MBOAT7: variants seen among roughly 807,000 people sequenced by gnomAD.
MBOAT7 encodes membrane bound acylglycerophosphatidylinositol O-acyltransferase MBOAT7, also known as membrane-bound acylglycerophosphatidylinositol O-acyltransferase MBOAT7.
MBOAT7 carries 40 observed loss-of-function variants against 47.4 expected under a neutral mutation model. The observed-to-expected ratio is 0.84, with a 90% confidence interval of 0.66 to 1.10. The LOEUF (loss-of-function observed/expected upper bound fraction) is 1.10. Among genes scored for constraint, MBOAT7 ranks in the 50% least tolerant of loss-of-function variants. MBOAT7 has a pLI of 0.00. For missense variants in MBOAT7, 680 were observed against 655.6 expected (o/e 1.04, Z -0.41); for synonymous variants, 361 against 292.0 (o/e 1.24, Z -2.41).
In MBOAT7 at chr19:54,180,006, C is replaced by T. The variant is rs778006839; in HGVS notation, c.854+767G>A. The stretch of plus-strand genomic sequence containing the variant: ...CCACAAGAGAGTCCACAGCTATGGC[C>T]GTGCGACTTGCCTAGCAATGCAGGT... On this transcript the variant is annotated intron_variant, in intron 6 of 7. Coordinates refer to ENST00000245615, the MANE Select transcript of MBOAT7 (RefSeq NM_024298.5). This position sits in a 1 kb window ranked among gnomAD's most constrained non-coding sequence, Gnocchi z 5.2. The T allele has an allele frequency of 6.6e-6, 1 of 152,184 alleles. No homozygotes were observed. The highest frequency in any genetic ancestry group is 6.5e-5 in the Admixed American group (1 of 15,276). The allele number at this position is 152,184 out of a possible 1,614,324, so 9.4% of individuals were successfully genotyped here.
intron 5 of MBOAT7, among the ~76,000 whole-genome samples, chr19:54,181,337 CAGAG>C (rs1047775929): frequency 6.6e-6 from 1 of 151,930 alleles, no homozygotes; most frequent in Admixed American, 6.6e-5. Context: ...ACAAGAAACT[CAGAG>C]AGACAGAGAC....
chr19:54,179,565 G>A (rs2076209137), intron 6 of MBOAT7: 1 of 153,096 alleles, frequency 6.5e-6, no homozygotes, highest in African/African-American at 2.4e-5. Context: ...GACAGCCCCA[G>A]CAGTGGGAAA....
chr19:54,186,781 C>T (rs554813728), intron 4 of MBOAT7, among the ~76,000 whole-genome samples: 33 of 152,308 alleles, frequency 2.2e-4, no homozygotes, highest in African/African-American at 6.5e-4. Context: ...GACCTGGATG[C>T]CCTAGTTTTG....
Position 54,180,930 on chromosome 19 carries a change from A to G in MBOAT7, c.697T>C (p.Tyr233His). The G allele has an allele frequency of 6.3e-7, 1 of 1,596,716 alleles. No homozygotes were observed. The highest frequency in any genetic ancestry group is 2.3e-5 in the East Asian group (1 of 44,256). ...YARPLPARLF[Y>H]MIPVFFAFRM... ...AAGGCGAAGAAGACGGGGATCATGT[A>G]GAAGAGGCGGGCGGGCAGCGGGCGG... is the stretch of plus-strand genomic sequence containing the variant. The change falls in exon 6 of 8, where the codon TAC (tyrosine) becomes CAC (histidine). Residue 233 changes from tyrosine (Y) to histidine (H), a missense_variant. Coordinates refer to ENST00000245615, the MANE Select transcript of MBOAT7 (RefSeq NM_024298.5). The surrounding 1 kb of genome is among the most constrained non-coding windows in gnomAD (Gnocchi z 5.2).
chr19:54,181,146 G>T lies in MBOAT7; in HGVS notation c.494-13C>A. The T allele has an allele frequency of 6.9e-7, 1 of 1,457,208 alleles. No individual in the cohort carries two copies. The highest frequency in any genetic ancestry group is 9.1e-7 in the Non-Finnish European group (1 of 1,104,024). 90.3% of individuals were successfully genotyped at this position (1,457,208 alleles called of 1,614,324 possible). On this transcript the variant is annotated splice_polypyrimidine_tract_variant and intron_variant, in intron 5 of 7. Transcript: ENST00000245615. ...CGGAAGAACGGGCCTGTGGGGCGGG[G>T]AGGGAGGGCCGCGGTCAGACAGGCA...
Position 54,178,801 on chromosome 19 carries a change from A to C in MBOAT7, c.995T>G (p.Ile332Ser). The C allele has an allele frequency of 6.2e-7, 1 of 1,613,380 alleles. No individual in the cohort carries two copies. The highest frequency in any genetic ancestry group is 8.5e-7 in the Non-Finnish European group (1 of 1,180,008). ...GGAACGGGCAGGTGCGCTCTTGTAG[A>C]TATACTGCGCCAGCCACCACTGCAC... ...MTVQWWLAQY[I>S]YKSAPARSYV... The change falls in exon 7 of 8, where the codon ATC becomes AGC. Residue 332 changes from isoleucine to serine, a missense_variant. Ile to Ser is a moderately radical substitution (Grantham distance 142, BLOSUM62 -2). Transcript: ENST00000245615.
chr19:54,177,193 C>T (rs770091163), intron 7 of MBOAT7, among the ~76,000 whole-genome samples: 5 of 83,434 alleles, frequency 6.0e-5, no homozygotes, highest in Non-Finnish European at 1.3e-4. Context: ...ATAATAATAT[C>T]CTTCTTACTC....
chr19:54,183,336 C>T (rs2076338173), intron 5 of MBOAT7, among the ~76,000 whole-genome samples, 185 bp downstream of exon 5: 1 of 152,252 alleles, frequency 6.6e-6, no homozygotes, highest in South Asian at 2.1e-4. Context: ...CAGCCAGCTT[C>T]TACCCCAAAG....
intron 4 of MBOAT7, among the ~76,000 whole-genome samples, chr19:54,184,063 G>A (rs976919586): frequency 5.9e-5 from 9 of 151,880 alleles, no homozygotes; most frequent in African/African-American, 2.2e-4. Flanking sequence ...CCACAAGGTA[G>A]ACCCTCTTCT....
chr19:54,174,976 T>G (rs1332264297), intron 7 of MBOAT7, among the ~76,000 whole-genome samples: 2 of 39,854 alleles, frequency 5.0e-5, no homozygotes, highest in Non-Finnish European at 5.4e-5. Flanking sequence ...AGCCCAGTGG[T>G]TTTTTTTTTT....
rs1278474252 is a variant in MBOAT7 at position 54,180,910 on chromosome 19, G to A, written c.717C>T (p.Phe239=). ...ARLFYMIPVF[F]AFRMRFYVAW... ...CCACGTAGAAGCGCATGCGGAAGGCGAAGAAGACGGGGATCATGTAGAAGA... is the reference window on the plus strand; with the variant it reads ...CCACGTAGAAGCGCATGCGGAAGGCAAAGAAGACGGGGATCATGTAGAAGA... Residue 239 remains phenylalanine, a synonymous_variant, in exon 6 of 8, where the codon TTC becomes TTT. Transcript: ENST00000245615. This position sits in a 1 kb window ranked among gnomAD's most constrained non-coding sequence, Gnocchi z 5.2. The A allele has an allele frequency of 1.9e-6, 3 of 1,598,140 alleles. No individual in the cohort carries two copies. Among genetic ancestry groups the A allele is most frequent in the African/African-American group, 1.3e-5 (1 of 74,994 alleles).
At chr19:54,183,467 C>A in intron 5 of MBOAT7, 54 bp downstream of exon 5, 2 of 1,579,202 alleles carry the variant, frequency 1.3e-6, no homozygotes, top group Non-Finnish European at 8.6e-7. Flanking sequence ...GCACTCAGGG[C>A]GGAAGGGGAC....
At position 54,181,044 on chromosome 19, in the gene MBOAT7, C is replaced by G; in HGVS notation, c.583G>C (p.Ala195Pro). ...AGGCCGAAGAGCGGGGCCGGCCAGG[C>G]GCGGCGCAGCAGGGGCCGCAGGCTG... Reference protein sequence around the residue: ...VPSLRPLLRRAWPAPLFGLLF... With the variant: ...VPSLRPLLRRPWPAPLFGLLF... The change falls in exon 6 of 8, where the codon GCC becomes CCC. Residue 195 changes from alanine to proline, a missense_variant. By Grantham distance (27) the Ala-to-Pro change is conservative. Coordinates refer to ENST00000245615, the MANE Select transcript of MBOAT7 (RefSeq NM_024298.5). 6.5e-7 allele frequency: 1 copy of G among 1,547,056 alleles called. No homozygotes were observed.
intron 5 of MBOAT7, among the ~76,000 whole-genome samples, chr19:54,182,651 CATATATATACACATACACACATACAT>C (rs1170900556): frequency 4.1e-4 from 63 of 152,128 alleles, no homozygotes; most frequent in African/African-American, 1.5e-3. Context: ...TAAAATTTCA[CATATATATACACATACACACATACAT>C]ATATATACAC....
chr19:54,178,157 G>A (rs1445416187), intron 7 of MBOAT7: 1 of 848,172 alleles, frequency 1.2e-6, no homozygotes, highest in Non-Finnish European at 1.4e-6. Context: ...TGATCCACCT[G>A]CTTGGGCCTC....
Position 54,183,762 on chromosome 19 carries a change from G to A in MBOAT7, c.334-82C>T, listed in dbSNP as rs529616596. 70 of 1,375,404 alleles carry A rather than the reference G, an allele frequency of 5.1e-5. No homozygotes were observed. The African/African-American group carries it at 7.2e-4, about 14-fold the overall frequency. 85.2% of individuals were successfully genotyped at this position (1,375,404 alleles called of 1,614,324 possible). A position where few individuals can be genotyped will look rare whatever the true frequency, so the allele number is the denominator to read the frequency against. Reference sequence around the variant, plus strand: ...CCATCTCCCTTGCGCGGCTGCCCTCGGCAGCCAAGGGGTGCTGGGTGCCCG... The same window carrying A: ...CCATCTCCCTTGCGCGGCTGCCCTCAGCAGCCAAGGGGTGCTGGGTGCCCG... On this transcript the variant is annotated intron_variant, in intron 4 of 7. Coordinates refer to ENST00000245615, the MANE Select transcript of MBOAT7 (RefSeq NM_024298.5).
intron 5 of MBOAT7, 116 bp downstream of exon 5, chr19:54,183,405 C>G: frequency 8.2e-7 from 1 of 1,225,290 alleles, no homozygotes; most frequent in Non-Finnish European, 1.1e-6. Context: ...ACCCTCACAG[C>G]AGCAGATGCT....
intron 1 of MBOAT7, among the ~76,000 whole-genome samples, chr19:54,189,000 C>G: frequency 6.6e-6 from 1 of 150,990 alleles, no homozygotes; most frequent in Admixed American, 6.6e-5. Flanking sequence ...ATCCCCCATC[C>G]CCCGGCCCTT....
rs1472930474 is a variant in MBOAT7, at chr19:54,173,898, C to T, written c.*146G>A. On this transcript the variant is annotated 3_prime_UTR_variant, in exon 8 of 8. Transcript: ENST00000245615. ...GGCAGGGAGGACACCCCCGGGTCTG[C>T]TTCAGTTGCAGGCAGGGTATTTAGC... 2.9e-6 allele frequency: 3 copies of T among 1,021,404 alleles called. No individual in the cohort carries two copies. In the African/African-American group the frequency reaches 5.0e-5, roughly 17 times the overall value. The allele number at this position is 1,021,404 out of a possible 1,614,324, so 63.3% of individuals were successfully genotyped here.
Sources: gnomAD v4.1 joint callset for allele counts (sites outside exome capture counted in the v4.1 genomes callset) on GRCh38, gnomAD v4.1.1 for gene constraint, Gnocchi (gnomAD v3.1) non-coding constraint, MANE v1.5 for transcripts, NCBI Gene and HGNC (gene_info 2026-07-23, HGNC 2026-07-21) for gene names.